RTL4: variants seen among roughly 807,000 people sequenced by gnomAD.
RTL4 encodes retrotransposon Gag like 4, also known as retrotransposon Gag-like protein 4.
In RTL4, 4 loss-of-function variants were observed where a neutral mutation model predicts 5.3. That is an observed-to-expected ratio of 0.75 (90% CI 0.37 to 1.72). The LOEUF (loss-of-function observed/expected upper bound fraction) is 1.72. RTL4 is among the 40% of genes most tolerant of loss of function. The pLI, the probability that RTL4 is intolerant of heterozygous loss-of-function variation, is 0.04. For missense variants in RTL4, 260 were observed against 227.1 expected (o/e 1.14, Z -0.93); for synonymous variants, 98 against 87.3 (o/e 1.12, Z -0.68).
chrX:112,308,838 A>G, the RTL4 span, among the ~76,000 whole-genome samples: 23 of 111,687 alleles, frequency 2.1e-4, no homozygotes, highest in African/African-American at 7.5e-4. Flanking sequence ...GCCACTGCAC[A>G]TAGTGTGGAA....
chrX:112,256,909 G>T, the RTL4 span, among the ~76,000 whole-genome samples: 1 of 111,533 alleles, frequency 9.0e-6, no homozygotes, highest in Admixed American at 9.6e-5. Context: ...AGTTTCCCTT[G>T]AGTATTCTCT....
the RTL4 span, among the ~76,000 whole-genome samples, chrX:112,105,369 G>T: frequency 9.0e-6 from 1 of 110,883 alleles, no homozygotes; most frequent in Non-Finnish European, 1.9e-5. Flanking sequence ...TCATTATTCT[G>T]GTTTTTTTGT....
the RTL4 span, among the ~76,000 whole-genome samples, chrX:112,423,543 C>T: frequency 9.0e-6 from 1 of 111,064 alleles, no homozygotes; most frequent in South Asian, 3.8e-4. Flanking sequence ...TGTATCTTTA[C>T]CTCTATGTGA....
the RTL4 span, among the ~76,000 whole-genome samples, chrX:112,205,957 C>T: frequency 8.9e-6 from 1 of 111,901 alleles, no homozygotes; most frequent in South Asian, 3.7e-4. Context: ...TTTTAAATTG[C>T]GTACACATCT....
chrX:112,206,313 C>G, the RTL4 span, among the ~76,000 whole-genome samples: 1 of 111,715 alleles, frequency 9.0e-6, no homozygotes, highest in South Asian at 3.8e-4. Flanking sequence ...AATATAGGAG[C>G]CAGCCAGGTG....
At chrX:112,214,362 GAAT>G in the RTL4 span, among the ~76,000 whole-genome samples, 5 of 112,116 alleles carry the variant, frequency 4.5e-5, no homozygotes, top group African/African-American at 1.6e-4. Context: ...CTGTAAAGCT[GAAT>G]AATACCTCAT....
the RTL4 span, among the ~76,000 whole-genome samples, chrX:112,296,420 C>T: frequency 9.0e-6 from 1 of 110,515 alleles, no homozygotes; most frequent in African/African-American, 3.3e-5. Flanking sequence ...TACATTACAC[C>T]CTGTATTTTG....
the RTL4 span, among the ~76,000 whole-genome samples, chrX:112,355,778 C>T: frequency 2.7e-5 from 3 of 111,474 alleles, no homozygotes. Context: ...ACAGAAAGTG[C>T]CAGCCTGCTT....
chrX:112,401,527 C>T, the RTL4 span, among the ~76,000 whole-genome samples: 22 of 111,880 alleles, frequency 2.0e-4, no homozygotes, highest in Non-Finnish European at 1.9e-5. Context: ...CACTAACTAC[C>T]CAGTTAGGTA....
the RTL4 span, among the ~76,000 whole-genome samples, chrX:112,182,355 G>C: frequency 2.7e-5 from 3 of 111,927 alleles, no homozygotes; most frequent in Non-Finnish European, 5.6e-5. Flanking sequence ...GACAGAAGTA[G>C]GCTTCAGAAG....
At chrX:112,104,816 G>A in the RTL4 span, among the ~76,000 whole-genome samples, 826 of 111,493 alleles carry the variant, frequency 7.4e-3, 5 homozygotes, top group Non-Finnish European at 0.013. Context: ...CAGATCCATG[G>A]TTTAAAAATA....
chrX:112,243,189 G>A, the RTL4 span, among the ~76,000 whole-genome samples: 37 of 111,360 alleles, frequency 3.3e-4, no homozygotes, highest in Non-Finnish European at 6.2e-4. Context: ...AGGCTTTGGT[G>A]TCAGGATGAT....
chrX:112,324,724 T>C, the RTL4 span, among the ~76,000 whole-genome samples: 2 of 111,611 alleles, frequency 1.8e-5, no homozygotes, highest in Non-Finnish European at 3.8e-5. Flanking sequence ...ATATACTTCA[T>C]ACAATTTTAA....
the RTL4 span, among the ~76,000 whole-genome samples, chrX:112,328,112 A>C: frequency 9.1e-6 from 1 of 109,293 alleles, no homozygotes; most frequent in Non-Finnish European, 1.9e-5. Context: ...CGAGCAAAAT[A>C]CCCAGCTAAC....
chrX:112,145,405 A>T, the RTL4 span, among the ~76,000 whole-genome samples: 1 of 111,552 alleles, frequency 9.0e-6, no homozygotes, highest in East Asian at 2.8e-4. Flanking sequence ...CTAGAATGAA[A>T]GTTCATTTGG....
At chrX:112,454,527 G>A (rs1926796922) in exon 1 of RTL4, 1 of 379,439 alleles carries the variant, frequency 2.6e-6, no homozygotes, top group Non-Finnish European at 4.6e-6. Context: ...TGAAGAAGAG[G>A]CAACATTGAG....
the RTL4 span, among the ~76,000 whole-genome samples, chrX:112,084,953 C>G: frequency 8.9e-6 from 1 of 112,335 alleles, no homozygotes; most frequent in Admixed American, 9.4e-5. Context: ...CTCTTCAGAT[C>G]AAGGATATAT....
At chrX:112,257,469 G>A in the RTL4 span, among the ~76,000 whole-genome samples, 2 of 110,823 alleles carry the variant, frequency 1.8e-5, no homozygotes, top group Non-Finnish European at 3.8e-5. Context: ...TTGTGTCTTA[G>A]TCTGTTCAGT....
At chrX:112,198,065 T>C in the RTL4 span, among the ~76,000 whole-genome samples, 1 of 111,075 alleles carries the variant, frequency 9.0e-6, no homozygotes, top group South Asian at 3.9e-4. Context: ...TGGTGGGAGA[T>C]TAGGACTCAC....
Sources: gnomAD v4.1 joint callset for allele counts (sites outside exome capture counted in the v4.1 genomes callset) on GRCh38, gnomAD v4.1.1 for gene constraint, MANE v1.5 for transcripts, NCBI Gene and HGNC (gene_info 2026-07-23, HGNC 2026-07-21) for gene names.